The following NLGN1 variants were observed in gnomAD, a reference collection of about 807,000 sequenced individuals.
NLGN1 encodes the protein neuroligin 1, also known as neuroligin-1.
Under a neutral mutation model 65.5 loss-of-function variants are expected in NLGN1, and 12 were observed. The observed-to-expected ratio is 0.18, with a 90% CI of 0.12 to 0.30. The LOEUF (loss-of-function observed/expected upper bound fraction) is 0.30, where lower values mean the gene tolerates loss of function less well. Among genes scored for constraint, NLGN1 ranks in the 10% least tolerant of loss-of-function variants. NLGN1 has a pLI of 1.00. For synonymous variants in NLGN1, 350 were observed against 359.5 expected, an observed-to-expected ratio of 0.97 and a Z score of 0.30; for missense variants, 750 against 1,007.1, an observed-to-expected ratio of 0.74 and a Z score of 3.46.
intron 4 of NLGN1, among the ~76,000 whole-genome samples, chr3:173,969,859 G>A (rs1383139911): frequency 2.0e-5 from 3 of 151,546 alleles, no homozygotes; most frequent in Non-Finnish European, 2.9e-5. Context: ...CCAAGTAATT[G>A]CCCACTAATT....
At chr3:173,985,550 C>T (rs1361203792) in intron 4 of NLGN1, among the ~76,000 whole-genome samples, 3 of 152,176 alleles carry the variant, frequency 2.0e-5, no homozygotes, top group African/African-American at 7.2e-5. Flanking sequence ...TTCTCTTTGA[C>T]CATCACTGGC....
chr3:174,266,048 T>TA (rs1561429342), intron 4 of NLGN1, among the ~76,000 whole-genome samples: 1,593 of 60,828 alleles, frequency 0.026, 22 homozygotes, highest in Middle Eastern at 0.085. Context: ...ATATATATAT[T>TA]TTTTTTTTCT....
intron 4 of NLGN1, among the ~76,000 whole-genome samples, chr3:174,006,731 T>C (rs1257573335): frequency 5.3e-5 from 8 of 152,140 alleles, no homozygotes; most frequent in African/African-American, 1.2e-4. Context: ...AAAATGAGGC[T>C]GTTAGGGTGT....
intron 2 of NLGN1, among the ~76,000 whole-genome samples, chr3:173,564,006 A>T (rs1319647531): frequency 6.6e-6 from 1 of 152,210 alleles, no homozygotes; most frequent in African/African-American, 2.4e-5. Flanking sequence ...ACAAAGGCAA[A>T]CAAGGCCTGA....
At chr3:174,293,239 A>G in the NLGN1 span, among the ~76,000 whole-genome samples, 1 of 151,442 alleles carries the variant, frequency 6.6e-6, no homozygotes, top group African/African-American at 2.4e-5. Context: ...AGTGGCTTGC[A>G]AAGTGCTATC....
chr3:173,418,942 A>G (rs1714368738), intron 1 of NLGN1, among the ~76,000 whole-genome samples: 1 of 150,486 alleles, frequency 6.6e-6, no homozygotes, highest in African/African-American at 2.4e-5. Flanking sequence ...GGCCCATCAC[A>G]AATTTGTAAA....
intron 3 of NLGN1, among the ~76,000 whole-genome samples, chr3:173,767,128 A>G (rs1405594702): frequency 6.6e-6 from 1 of 152,150 alleles, no homozygotes; most frequent in Non-Finnish European, 1.5e-5. Flanking sequence ...ATAAATTAAT[A>G]ATCTGGAAAA....
intron 2 of NLGN1, among the ~76,000 whole-genome samples, chr3:173,532,902 G>A (rs575710665): frequency 2.0e-5 from 3 of 152,292 alleles, no homozygotes; most frequent in East Asian, 3.9e-4. Context: ...AGTTGATGGA[G>A]CAACCATATT....
intron 3 of NLGN1, among the ~76,000 whole-genome samples, chr3:173,649,977 T>A (rs1209671703): frequency 6.6e-6 from 1 of 152,120 alleles, no homozygotes. Flanking sequence ...CATAAAAGGA[T>A]ACTATATTCT....
intron 4 of NLGN1, among the ~76,000 whole-genome samples, chr3:173,939,055 C>T (rs934922884): frequency 3.3e-5 from 5 of 152,102 alleles, no homozygotes; most frequent in African/African-American, 1.2e-4. Flanking sequence ...AGAAAAAATG[C>T]AAGCCATAGC....
At chr3:173,726,022 C>T (rs1771707616) in intron 3 of NLGN1, among the ~76,000 whole-genome samples, 1 of 152,032 alleles carries the variant, frequency 6.6e-6, no homozygotes, top group African/African-American at 2.4e-5. Context: ...TCTTATGTAA[C>T]ATAAATTATA....
intron 2 of NLGN1, among the ~76,000 whole-genome samples, chr3:173,485,335 A>G (rs1404236687): frequency 1.3e-5 from 2 of 152,094 alleles, no homozygotes; most frequent in Non-Finnish European, 2.9e-5. Flanking sequence ...CCATATACAC[A>G]TAACACAGAT....
intron 4 of NLGN1, among the ~76,000 whole-genome samples, chr3:173,857,345 C>T (rs757428771): frequency 1.7e-4 from 26 of 152,118 alleles, no homozygotes; most frequent in East Asian, 1.3e-3. Flanking sequence ...CTGAAATTCC[C>T]TCTATGCTGT....
chr3:173,830,458 G>A (rs3932095), intron 4 of NLGN1, among the ~76,000 whole-genome samples: 129,298 of 152,168 alleles, frequency 0.85, 55,804 homozygotes, highest in African/African-American at 0.93. Flanking sequence ...TTTTGAAAAT[G>A]TATAGCTTTT....
chr3:173,812,180 A>G (rs1344444642), intron 4 of NLGN1, among the ~76,000 whole-genome samples: 1 of 152,206 alleles, frequency 6.6e-6, no homozygotes, highest in Non-Finnish European at 1.5e-5. Context: ...CCACCCGTCC[A>G]TGGAAAAAAA....
intron 3 of NLGN1, among the ~76,000 whole-genome samples, chr3:173,660,828 T>G (rs2149689114): frequency 6.6e-6 from 1 of 152,056 alleles, no homozygotes; most frequent in Non-Finnish European, 1.5e-5. Flanking sequence ...ATCTAAGTGT[T>G]CCCAACCCAT....
intron 3 of NLGN1, among the ~76,000 whole-genome samples, chr3:173,693,945 A>T (rs1765828072): frequency 6.6e-6 from 1 of 152,100 alleles, no homozygotes; most frequent in Non-Finnish European, 1.5e-5. Flanking sequence ...ATTTTAGGGA[A>T]AGTATAAAAT....
At chr3:173,730,961 G>C (rs114108921) in intron 3 of NLGN1, among the ~76,000 whole-genome samples, 10 of 151,982 alleles carry the variant, frequency 6.6e-5, no homozygotes, top group African/African-American at 2.4e-4. Flanking sequence ...TCTGGGCAAG[G>C]CTTCAAAGAG....
At chr3:174,109,735 G>A (rs1714767862) in intron 4 of NLGN1, among the ~76,000 whole-genome samples, 1 of 151,972 alleles carries the variant, frequency 6.6e-6, no homozygotes, top group Non-Finnish European at 1.5e-5. Context: ...TTTATTATAA[G>A]CAAAGATGTG....
Sources: gnomAD v4.1 joint callset for allele counts (sites outside exome capture counted in the v4.1 genomes callset) on GRCh38, gnomAD v4.1.1 for gene constraint, MANE v1.5 for transcripts, NCBI Gene and HGNC (gene_info 2026-07-23, HGNC 2026-07-21) for gene names.